PACSIN1: variants seen among roughly 807,000 people sequenced by gnomAD.
PACSIN1 encodes protein kinase C and casein kinase substrate in neurons 1.
Under a neutral mutation model 59.5 loss-of-function variants are expected in PACSIN1, and 15 were observed. That is an observed-to-expected ratio of 0.25 (90% CI 0.17 to 0.39). PACSIN1 has a LOEUF of 0.39. PACSIN1 is among the 10% of genes least tolerant of loss of function. PACSIN1 has a pLI of 1.00. For missense variants in PACSIN1, 420 were observed against 580.2 expected (o/e 0.72, Z 2.84); for synonymous variants, 210 against 220.6 (o/e 0.95, Z 0.42).
intron 1 of PACSIN1, among the ~76,000 whole-genome samples, chr6:34,512,729 C>T (rs955467625): frequency 2.0e-5 from 3 of 152,246 alleles, no homozygotes; most frequent in South Asian, 2.1e-4. Context: ...ACGATCTCAT[C>T]CTGCCTTTGA....
Position 34,532,312 on chromosome 6 carries a change from A to C in PACSIN1, c.1226-109A>C. ...CAGGGGCGGGGCCTAAGAATCTAAA[A>C]CCCAGTGCAGTAATCAGGAGGTGGG... is the stretch of plus-strand genomic sequence containing the variant. On this transcript the variant is annotated intron_variant, in intron 9 of 9. Coordinates refer to ENST00000244458, the MANE Select transcript of PACSIN1 (RefSeq NM_020804.5). This position sits in a 1 kb window ranked among gnomAD's most constrained non-coding sequence, Gnocchi z 5.2. The C allele has an allele frequency of 1.4e-6, 1 of 722,648 alleles. No homozygotes were observed. Among genetic ancestry groups the C allele is most frequent in the Non-Finnish European group, 2.4e-6 (1 of 421,564 alleles). The allele number at this position is 722,648 out of a possible 1,614,324, so 44.8% of individuals were successfully genotyped here. A position where few individuals can be genotyped will look rare whatever the true frequency, so the allele number is the denominator to read the frequency against.
intron 1 of PACSIN1, among the ~76,000 whole-genome samples, chr6:34,504,272 A>ATGTG (rs1561963392): frequency 2.0e-4 from 24 of 119,248 alleles, no homozygotes; most frequent in African/African-American, 6.9e-4. Flanking sequence ...GTGTGTGTGT[A>ATGTG]TATATATATA....
rs1335444552 is a variant in PACSIN1, at chr6:34,516,515, C to T, written c.-63-9728C>T. On this transcript the variant is annotated intron_variant, in intron 1 of 9. Coordinates refer to ENST00000244458, the MANE Select transcript of PACSIN1 (RefSeq NM_020804.5). The surrounding 1 kb of genome is among the most constrained non-coding windows in gnomAD (Gnocchi z 5.4). ...GCTGATATCTGCCCTGCCTCACCTC[C>T]TGCAGCCAGGCCTGCTGGCCTCAGT... Among the ~76,000 whole-genome samples, 1 of 152,242 alleles carries T rather than the reference C, an allele frequency of 6.6e-6. No individual in the cohort carries two copies. The highest frequency in any genetic ancestry group is 1.9e-4 in the East Asian group (1 of 5,200).
rs1767532143 is a variant in PACSIN1, at chr6:34,528,674, G to A, written c.253G>A (p.Gly85Ser). The A allele has an allele frequency of 5.0e-6, 8 of 1,613,996 alleles. No homozygotes were observed. The highest frequency in any genetic ancestry group is 6.8e-6 in the Non-Finnish European group (8 of 1,180,006). ...GTATGGCAGCCTGGAGCGGGCCTGGGGTGCCATAATGACAGAGGCAGACAA... is the reference window on the plus strand; with the variant it reads ...GTATGGCAGCCTGGAGCGGGCCTGGAGTGCCATAATGACAGAGGCAGACAA... ...PQYGSLERAWGAIMTEADKVS... is the reference protein window; with the variant it reads ...PQYGSLERAWSAIMTEADKVS... The change falls in exon 4 of 10, where the codon GGT (glycine) becomes AGT (serine). Residue 85 changes from glycine (G) to serine (S), a missense_variant. Gly to Ser is a moderately conservative substitution (Grantham distance 56). Coordinates refer to ENST00000244458, the MANE Select transcript of PACSIN1 (RefSeq NM_020804.5).
Position 34,518,021 on chromosome 6 carries a change from C to T in PACSIN1, c.-63-8222C>T, listed in dbSNP as rs747853067. Among the ~76,000 whole-genome samples the T allele has an allele frequency of 1.2e-4, 18 of 152,208 alleles. No individual in the cohort carries two copies. Among genetic ancestry groups the T allele is most frequent in the Non-Finnish European group, 1.9e-4 (13 of 68,030 alleles). On this transcript the variant is annotated intron_variant, in intron 1 of 9. Transcript: ENST00000244458. The surrounding 1 kb of genome is among the most constrained non-coding windows in gnomAD (Gnocchi z 4.4). ...TGTCCTCACAGGGGAAGATGATGCC[C>T]ACCTACCTGAGCCATTGCCTCAGGG...
intron 3 of PACSIN1, 114 bp from the exon 4 acceptor site, chr6:34,528,528 G>A (rs533766747): frequency 1.3e-6 from 1 of 796,246 alleles, no homozygotes; most frequent in Non-Finnish European, 2.2e-6. Flanking sequence ...TAGAGCAGAG[G>A]AGGGCATTTC....
chr6:34,528,898 C>CG (rs1581987438), intron 4 of PACSIN1, 21 bp downstream of exon 4: 22 of 298,288 alleles, frequency 7.4e-5, no homozygotes, highest in Non-Finnish European at 1.3e-4. Context: ...GGTGCTGCCA[C>CG]GGGCGGGGTG....
chr6:34,490,908 C>T (rs1272136989), intron 1 of PACSIN1, among the ~76,000 whole-genome samples: 1 of 152,158 alleles, frequency 6.6e-6, no homozygotes. Flanking sequence ...TGTTAATTCT[C>T]GTATTATGGG....
chr6:34,526,370 T>G lies in PACSIN1; in HGVS notation c.63+2T>G, dbSNP rs1767481985. The G allele has an allele frequency of 3.1e-6, 5 of 1,610,486 alleles. No individual in the cohort carries two copies. Among genetic ancestry groups the G allele is most frequent in the Non-Finnish European group, 4.2e-6 (5 of 1,179,108 alleles). ...GAGACCACCGACAGCTTCTGGGAGGTGAGGCTCTCATGATCCCCAGGTTCG... is the reference window on the plus strand; with the variant it reads ...GAGACCACCGACAGCTTCTGGGAGGGGAGGCTCTCATGATCCCCAGGTTCG... On this transcript the variant is annotated splice_donor_variant, in intron 2 of 9. Coordinates refer to ENST00000244458, the MANE Select transcript of PACSIN1 (RefSeq NM_020804.5). LOFTEE classifies it high-confidence loss of function.
Position 34,532,417 on chromosome 6 carries a change from C to G in PACSIN1, c.1226-4C>G. 6.4e-7 allele frequency: 1 copy of G among 1,559,912 alleles called. No homozygotes were observed. Among genetic ancestry groups the G allele is most frequent in the Non-Finnish European group, 8.7e-7 (1 of 1,150,352 alleles). On this transcript the variant is annotated splice_region_variant and splice_polypyrimidine_tract_variant and intron_variant, in intron 9 of 9. Transcript: ENST00000244458. The surrounding 1 kb of genome is among the most constrained non-coding windows in gnomAD (Gnocchi z 5.2). ...TGAGCCCCTCCCTGTGTTCTCTTTC[C>G]CAGGAGACGAACTCACCAAGCTGGG...
chr6:34,518,711 C>T lies in PACSIN1; in HGVS notation c.-63-7532C>T, dbSNP rs1176453230. On this transcript the variant is annotated intron_variant, in intron 1 of 9. Transcript: ENST00000244458. This position sits in a 1 kb window ranked among gnomAD's most constrained non-coding sequence, Gnocchi z 4.4. Reference sequence around the variant, plus strand: ...GGGCAGGGGAGCTGGGGTATGTAAACGCCACCTTCCAGTGGCTCTCCACCA... The same window carrying T: ...GGGCAGGGGAGCTGGGGTATGTAAATGCCACCTTCCAGTGGCTCTCCACCA... 6.6e-6 allele frequency among the ~76,000 whole-genome samples: 1 copy of T among 152,208 alleles called. No individual in the cohort carries two copies. Among genetic ancestry groups the T allele is most frequent in the Admixed American group, 6.5e-5 (1 of 15,280 alleles).
Position 34,532,636 on chromosome 6 carries a change from C to G in PACSIN1, c.*106C>G. ...TAGAGTTCCAGACATATTTTCCGAT[C>G]AAGCTTTTATTTTTTTAAAAGTCAA... On this transcript the variant is annotated 3_prime_UTR_variant, in exon 10 of 10. Coordinates refer to ENST00000244458, the MANE Select transcript of PACSIN1 (RefSeq NM_020804.5). The surrounding 1 kb of genome is among the most constrained non-coding windows in gnomAD (Gnocchi z 5.2). 1 of 679,786 alleles carries G rather than the reference C, an allele frequency of 1.5e-6. No individual in the cohort carries two copies. The highest frequency in any genetic ancestry group is 2.5e-6 in the Non-Finnish European group (1 of 395,690). 42.1% of individuals were successfully genotyped at this position (679,786 alleles called of 1,614,324 possible).
intron 1 of PACSIN1, among the ~76,000 whole-genome samples, chr6:34,475,011 C>G (rs1766619332): frequency 6.6e-6 from 1 of 152,132 alleles, no homozygotes; most frequent in Non-Finnish European, 1.5e-5. Flanking sequence ...GTTCACATCT[C>G]CACCCACATC....
intron 1 of PACSIN1, among the ~76,000 whole-genome samples, chr6:34,473,182 G>T (rs1766595282): frequency 7.0e-6 from 1 of 141,974 alleles, no homozygotes; most frequent in South Asian, 2.3e-4. Context: ...TTCTGCAGAA[G>T]GCAGACCTGG....
In PACSIN1 at chr6:34,515,737, A is replaced by G. The variant is rs1449709281; in HGVS notation, c.-63-10506A>G. 6.6e-6 allele frequency among the ~76,000 whole-genome samples: 1 copy of G among 152,206 alleles called. No individual in the cohort carries two copies. The highest frequency in any genetic ancestry group is 2.4e-5 in the African/African-American group (1 of 41,456). On this transcript the variant is annotated intron_variant, in intron 1 of 9. Transcript: ENST00000244458. The surrounding 1 kb of genome is among the most constrained non-coding windows in gnomAD (Gnocchi z 4.4). The stretch of plus-strand genomic sequence containing the variant: ...AAGCCCAGGGTCTCCAAGTTGGGGT[A>G]CCAGGGAGCAGGCCTCTGATGGGGT...
chr6:34,529,838 G>A lies in PACSIN1; in HGVS notation c.785G>A (p.Ser262Asn). Residue 262 changes from serine (S) to asparagine (N), a missense_variant, in exon 6 of 10, where the codon AGC (serine) becomes AAC (asparagine). Coordinates refer to ENST00000244458, the MANE Select transcript of PACSIN1 (RefSeq NM_020804.5). The surrounding 1 kb of genome is among the most constrained non-coding windows in gnomAD (Gnocchi z 6.3). The stretch of plus-strand genomic sequence containing the variant: ...CGGCACCTCAACCTGGCTGAGAACA[G>A]CAGGTACCTGGGCATGGCAGGCACC... ...IKRHLNLAEN[S>N]SYIHVYRELE... 1 of 1,613,200 alleles carries A rather than the reference G, an allele frequency of 6.2e-7. No individual in the cohort carries two copies. The highest frequency in any genetic ancestry group is 1.1e-5 in the South Asian group (1 of 90,942).
chr6:34,509,554 T>A (rs888393333), intron 1 of PACSIN1, among the ~76,000 whole-genome samples: 1 of 152,162 alleles, frequency 6.6e-6, no homozygotes, highest in Non-Finnish European at 1.5e-5. Context: ...TTGGGGACCT[T>A]TGTGGTTCCT....
intron 1 of PACSIN1, among the ~76,000 whole-genome samples, chr6:34,491,957 T>C (rs1020011915): frequency 1.2e-4 from 19 of 152,172 alleles, no homozygotes; most frequent in Admixed American, 1.2e-3. Context: ...TTTTTTGCTA[T>C]TGTGACTAGT....
At chr6:34,471,655 C>A (rs1431231132) in intron 1 of PACSIN1, among the ~76,000 whole-genome samples, 1 of 152,214 alleles carries the variant, frequency 6.6e-6, no homozygotes, top group Non-Finnish European at 1.5e-5. Flanking sequence ...GAAACTAGAA[C>A]TCTCACGTCA....
Sources: allele counts gnomAD v4.1 joint callset (sites outside exome capture counted in the v4.1 genomes callset), GRCh38; gene constraint gnomAD v4.1.1; non-coding constraint Gnocchi (gnomAD v3.1); transcripts MANE v1.5; gene names NCBI Gene and HGNC (gene_info 2026-07-23, HGNC 2026-07-21).